Variants in JARID2 observed in about 807,000 individuals in gnomAD.
JARID2 encodes protein Jumonji.
Under a neutral mutation model 125.6 loss-of-function variants are expected in JARID2, and 21 were observed. That is an observed-to-expected ratio of 0.17 (90% CI 0.12 to 0.24). The LOEUF (loss-of-function observed/expected upper bound fraction) is 0.24, where lower values mean the gene tolerates loss of function less well. Among genes scored for constraint, JARID2 ranks in the 10% least tolerant of loss-of-function variants. The probability of loss-of-function intolerance (pLI) is 1.00; values close to 1 mark genes in which losing one functional copy is unlikely to be tolerated. For synonymous variants in JARID2, 736 were observed against 661.6 expected (o/e 1.11, Z -1.73); for missense variants, 1,303 against 1,639.6 (o/e 0.79, Z 3.55).
chr6:15,393,088 G>T (rs1370381505), intron 2 of JARID2, among the ~76,000 whole-genome samples: 2 of 152,176 alleles, frequency 1.3e-5, no homozygotes, highest in East Asian at 3.9e-4. Flanking sequence ...GCATGAAATG[G>T]TGGTGAAATT....
At chr6:15,300,250 G>C (rs915696030) in intron 1 of JARID2, among the ~76,000 whole-genome samples, 5 of 152,118 alleles carry the variant, frequency 3.3e-5, no homozygotes, top group African/African-American at 1.2e-4. Context: ...CTTTTCTCTT[G>C]TAAACACTTA....
At chr6:15,508,224 G>A in intron 11 of JARID2, 116 bp from the exon 12 acceptor site, 1 of 654,002 alleles carries the variant, frequency 1.5e-6, no homozygotes, top group Non-Finnish European at 2.8e-6. Context: ...GTCTGGCTTT[G>A]AGTCCCATTT....
chr6:15,393,812 G>A (rs929792109), intron 2 of JARID2, among the ~76,000 whole-genome samples: 4 of 152,158 alleles, frequency 2.6e-5, no homozygotes, highest in Non-Finnish European at 5.9e-5. Context: ...TAAATGTTTA[G>A]TAACAGAATG....
At chr6:15,355,713 A>T (rs940381107) in intron 1 of JARID2, among the ~76,000 whole-genome samples, 6 of 151,946 alleles carry the variant, frequency 3.9e-5, no homozygotes, top group Admixed American at 2.6e-4. Context: ...CTAGGCTGAA[A>T]CGATTCTCGT....
intron 1 of JARID2, among the ~76,000 whole-genome samples, chr6:15,340,315 G>C (rs776520451): frequency 6.6e-6 from 1 of 152,192 alleles, no homozygotes; most frequent in Non-Finnish European, 1.5e-5. Context: ...TGTCCAGTGA[G>C]GTCATACAGC....
In JARID2 at chr6:15,400,818, ACTGCCG is replaced by A. The variant is rs1765400438; in HGVS notation, c.182-9403_182-9398del. 4.0e-6 allele frequency: 5 copies of A among 1,261,780 alleles called. No homozygotes were observed. The South Asian group carries it at 6.4e-5, about 16-fold the overall frequency. 78.2% of individuals were successfully genotyped at this position (1,261,780 alleles called of 1,614,324 possible). A position where few individuals can be genotyped will look rare whatever the true frequency, so the allele number is the denominator to read the frequency against. On this transcript the variant is annotated intron_variant, in intron 2 of 17. Transcript: ENST00000341776. ...CGTCCTATTGCCGCGCGGAATCTGC[ACTGCCG>A]CTTGCTTATTACGTACAGGGGAGGA...
At chr6:15,373,992 T>C in intron 1 of JARID2, 125 bp from the exon 2 acceptor site, 2 of 1,068,036 alleles carry the variant, frequency 1.9e-6, no homozygotes, top group South Asian at 1.6e-5. Context: ...AATTCTGACA[T>C]TGAGAACTGG....
Position 15,517,240 on chromosome 6 carries a change from G to A in JARID2, c.3530G>A (p.Gly1177Glu). 1 of 1,613,938 alleles carries A rather than the reference G, an allele frequency of 6.2e-7. No individual in the cohort carries two copies. The highest frequency in any genetic ancestry group is 8.5e-7 in the Non-Finnish European group (1 of 1,179,834). Residue 1177 changes from glycine to glutamate, a missense_variant, in exon 17 of 18, where the codon GGG (glycine) becomes GAG (glutamate). Coordinates refer to ENST00000341776, the MANE Select transcript of JARID2 (RefSeq NM_004973.4). Reference sequence around the variant, plus strand: ...GTGGAGAAACAGAAGTCCTGCCGAGGGCTGAAGTTGATGTACCGCTACGAT... The same window carrying A: ...GTGGAGAAACAGAAGTCCTGCCGAGAGCTGAAGTTGATGTACCGCTACGAT... ...RHVEKQKSCR[G>E]LKLMYRYDEE...
intron 1 of JARID2, among the ~76,000 whole-genome samples, chr6:15,341,427 C>T (rs1763067954): frequency 6.6e-6 from 1 of 152,188 alleles, no homozygotes; most frequent in African/African-American, 2.4e-5. Context: ...GGAAAGTAGA[C>T]AAAGTTTCTA....
chr6:15,400,887 C>T (rs1581506898), intron 2 of JARID2: 1 of 1,288,318 alleles, frequency 7.8e-7, no homozygotes. Context: ...TCACTGCGCT[C>T]TTCCTCCCTC....
At chr6:15,490,367 G>T (rs1198665246) in intron 6 of JARID2, among the ~76,000 whole-genome samples, 1 of 152,126 alleles carries the variant, frequency 6.6e-6, no homozygotes, top group Non-Finnish European at 1.5e-5. Flanking sequence ...TGCTCTGCTT[G>T]CTATAATGAA....
chr6:15,368,623 A>G (rs1308291940), intron 1 of JARID2: 1 of 439,806 alleles, frequency 2.3e-6, no homozygotes, highest in Non-Finnish European at 4.6e-6. Context: ...AGACCGTGTC[A>G]CGTAAGGAAT....
At chr6:15,250,965 A>G (rs1015055301) in intron 1 of JARID2, among the ~76,000 whole-genome samples, 4 of 152,106 alleles carry the variant, frequency 2.6e-5, no homozygotes, top group African/African-American at 9.7e-5. Context: ...GTCATATTAA[A>G]AGCGTAGTTC....
intron 5 of JARID2, 39 bp from the exon 6 acceptor site, chr6:15,487,268 A>C: frequency 6.4e-7 from 1 of 1,554,470 alleles, no homozygotes; most frequent in Non-Finnish European, 8.8e-7. Context: ...GTAGTGGTCA[A>C]GGTAGTGATT....
At chr6:15,515,411 AC>A (rs1187050749) in intron 16 of JARID2, among the ~76,000 whole-genome samples, 1 of 152,150 alleles carries the variant, frequency 6.6e-6, no homozygotes, top group African/African-American at 2.4e-5. Flanking sequence ...GTGAGGTGGC[AC>A]CAGGTGGCCT....
At chr6:15,518,489 TTTTTTG>T (rs879839010) in intron 17 of JARID2, among the ~76,000 whole-genome samples, 6 of 152,156 alleles carry the variant, frequency 3.9e-5, no homozygotes. Context: ...AGCTGTGCAT[TTTTTTG>T]TTTTTAAGAC....
At chr6:15,247,963 T>C in intron 1 of JARID2, 1 of 985,418 alleles carries the variant, frequency 1.0e-6, no homozygotes, top group Non-Finnish European at 1.2e-6. Context: ...GGCACGTCCG[T>C]TTCGGATGCA....
At chr6:15,399,852 T>A (rs940702116) in intron 2 of JARID2, among the ~76,000 whole-genome samples, 1 of 152,246 alleles carries the variant, frequency 6.6e-6, no homozygotes, top group African/African-American at 2.4e-5. Flanking sequence ...GGCCACCATC[T>A]TCCTCCCATT....
chr6:15,385,795 G>A (rs142652428), intron 2 of JARID2, among the ~76,000 whole-genome samples: 1 of 152,204 alleles, frequency 6.6e-6, no homozygotes, highest in East Asian at 1.9e-4. Context: ...CTGAGAGTCT[G>A]CCAACTGGGA....
Sources: allele counts gnomAD v4.1 joint callset (sites outside exome capture counted in the v4.1 genomes callset), GRCh38; gene constraint gnomAD v4.1.1; transcripts MANE v1.5; gene names NCBI Gene and HGNC (gene_info 2026-07-23, HGNC 2026-07-21).